The following DMD variants were observed in gnomAD, a reference collection of about 807,000 sequenced individuals.
The protein encoded by DMD is dystrophin.
A neutral mutation model predicts 330.1 loss-of-function variants in DMD; 63 were observed. The ratio of observed to expected loss-of-function variants is 0.19; its 90% CI spans 0.16 to 0.24. The LOEUF (loss-of-function observed/expected upper bound fraction) is 0.24. DMD is among the 10% of genes least tolerant of loss of function. DMD has a pLI of 1.00. For synonymous variants in DMD, 1,223 were observed against 959.8 expected (o/e 1.27, Z -5.07); for missense variants, 3,344 against 2,684.1 (o/e 1.25, Z -5.43).
intron 2 of DMD, among the ~76,000 whole-genome samples, chrX:32,900,269 G>T (rs945002851): frequency 9.0e-6 from 1 of 111,711 alleles, no homozygotes; most frequent in Non-Finnish European, 1.9e-5. Flanking sequence ...AATGAAAATT[G>T]GGAAGAGAGA....
At chrX:32,394,672 AAGTG>A (rs2098027537) in intron 30 of DMD, among the ~76,000 whole-genome samples, 1 of 110,643 alleles carries the variant, frequency 9.0e-6, no homozygotes. Context: ...ATTTAAATCA[AAGTG>A]ATAAAAGTTC....
intron 44 of DMD, among the ~76,000 whole-genome samples, chrX:32,158,304 G>A (rs1176768148): frequency 9.0e-6 from 1 of 111,395 alleles, no homozygotes; most frequent in Admixed American, 9.6e-5. Flanking sequence ...AGGCTGAGGT[G>A]GGAGGATCAT....
upstream of DMD, among the ~76,000 whole-genome samples, chrX:33,213,667 T>C (rs1254537531): frequency 8.9e-6 from 1 of 112,017 alleles, no homozygotes; most frequent in Non-Finnish European, 1.9e-5. Context: ...CAAATACTTA[T>C]AGATTCACAG....
chrX:32,495,596 C>A (rs969017211), intron 19 of DMD, among the ~76,000 whole-genome samples: 4 of 111,620 alleles, frequency 3.6e-5, no homozygotes, highest in African/African-American at 1.3e-4. Context: ...ATTAATTGAC[C>A]ATCTAAATGC....
At position 32,700,762 on chromosome X, in the gene DMD, G is replaced by A. The variant is rs1262514231; in HGVS notation, c.650-1469C>T. Among the ~76,000 whole-genome samples the A allele has an allele frequency of 2.7e-5, 3 of 111,230 alleles. No individual in the cohort carries two copies. In the Admixed American group the frequency reaches 2.9e-4, roughly 11 times the overall value. On this transcript the variant is annotated intron_variant, in intron 7 of 78. Coordinates refer to ENST00000357033, the MANE Select transcript of DMD (RefSeq NM_004006.3). ...CAGGAGGTCAAGGTAATGTGGCAAT[G>A]TATTTTCCTTGCCATACAATTTATC...
At position 32,881,788 on chromosome X, in the gene DMD, G is replaced by A. The variant is rs1160676672; in HGVS notation, c.94-31968C>T. Among the ~76,000 whole-genome samples the A allele has an allele frequency of 2.7e-5, 3 of 111,596 alleles. No homozygotes were observed. In the Admixed American group the frequency reaches 2.9e-4, roughly 11 times the overall value. On this transcript the variant is annotated intron_variant, in intron 2 of 78. Coordinates refer to ENST00000357033, the MANE Select transcript of DMD (RefSeq NM_004006.3). ...CTGGTTAGAGATTTTATCTTCCTCA[G>A]AGCCATACCAACACACCCTTCTAAA...
chrX:31,392,574 G>A (rs2060728841), intron 60 of DMD, among the ~76,000 whole-genome samples: 3 of 111,768 alleles, frequency 2.7e-5, no homozygotes, highest in Admixed American at 1.9e-4. Flanking sequence ...AAGCTTTGTG[G>A]CTTCCCATTT....
intron 52 of DMD, among the ~76,000 whole-genome samples, chrX:31,719,034 C>G (rs1336108101): frequency 8.1e-5 from 9 of 111,759 alleles, no homozygotes; most frequent in Non-Finnish European, 1.1e-4. Flanking sequence ...TACTATATTA[C>G]TAAAGAAATA....
intron 44 of DMD, among the ~76,000 whole-genome samples, chrX:32,026,955 C>A (rs1165707251): frequency 9.0e-6 from 1 of 110,730 alleles, no homozygotes; most frequent in African/African-American, 3.3e-5. Context: ...AACTCCCACT[C>A]ACATTCAATT....
intron 59 of DMD, among the ~76,000 whole-genome samples, chrX:31,462,047 C>T (rs781465445): frequency 4.5e-5 from 5 of 111,790 alleles, no homozygotes; most frequent in Non-Finnish European, 7.5e-5. Flanking sequence ...GGCATTATGT[C>T]GGTAGCTGGA....
intron 47 of DMD, among the ~76,000 whole-genome samples, chrX:31,905,897 G>A (rs1291281680): frequency 9.0e-6 from 1 of 111,647 alleles, no homozygotes; most frequent in African/African-American, 3.3e-5. Context: ...ATTATAAAGT[G>A]AATTTTTAAA....
chrX:33,155,678 G>C (rs1004080897), intron 1 of DMD, among the ~76,000 whole-genome samples: 2 of 110,649 alleles, frequency 1.8e-5, no homozygotes, highest in Admixed American at 1.9e-4. Flanking sequence ...CAGCCAGCTA[G>C]CCGGGCATGG....
At chrX:32,660,995 T>C (rs1193362420) in intron 9 of DMD, among the ~76,000 whole-genome samples, 3 of 111,330 alleles carry the variant, frequency 2.7e-5, no homozygotes, top group Non-Finnish European at 1.9e-5. Flanking sequence ...GAGAGAGGCC[T>C]GACATTATGC....
At chrX:31,308,712 A>G (rs919008186) in intron 62 of DMD, among the ~76,000 whole-genome samples, 6 of 110,243 alleles carry the variant, frequency 5.4e-5, no homozygotes, top group Middle Eastern at 4.6e-3. Context: ...GTGCCGTGCC[A>G]TCTATTTTTT....
At chrX:32,071,508 T>G (rs1481164773) in intron 44 of DMD, among the ~76,000 whole-genome samples, 2 of 29,850 alleles carry the variant, frequency 6.7e-5, no homozygotes, top group Non-Finnish European at 1.2e-4. Flanking sequence ...GGGCCTGTTG[T>G]GGGGTGGGGG....
intron 1 of DMD, among the ~76,000 whole-genome samples, chrX:33,129,936 T>G (rs779952213): frequency 8.9e-6 from 1 of 111,930 alleles, no homozygotes; most frequent in Non-Finnish European, 1.9e-5. Flanking sequence ...CCCTCTTAAA[T>G]GTGAAACAAT....
chrX:31,838,359 GTAACTGAATTTTCAACCTATACAT>G (rs761786529), intron 48 of DMD, among the ~76,000 whole-genome samples: 15 of 112,178 alleles, frequency 1.3e-4, no homozygotes, highest in African/African-American at 4.5e-4. Flanking sequence ...AGGAAAAAAA[GTAACTGAATTTTCAACCTATACAT>G]TTATCATTTA....
rs180942095 is a variant in DMD, at chrX:33,143,796, C to T, written c.31+67486G>A. Reference sequence around the variant, plus strand: ...TTTATATAGCGTTAACTCCTCCTAACTTTGTACACATTTCTCTGCATAATT... The same window carrying T: ...TTTATATAGCGTTAACTCCTCCTAATTTTGTACACATTTCTCTGCATAATT... On this transcript the variant is annotated intron_variant, in intron 1 of 78. Transcript: ENST00000357033. 2.9e-3 allele frequency among the ~76,000 whole-genome samples: 329 copies of T among 111,715 alleles called. 1 individual carries two copies. The highest frequency in any genetic ancestry group is 0.01 in the African/African-American group (319 of 30,774).
At chrX:32,671,695 T>C (rs746513334) in intron 9 of DMD, among the ~76,000 whole-genome samples, 1 of 112,209 alleles carries the variant, frequency 8.9e-6, no homozygotes, top group South Asian at 3.7e-4. Flanking sequence ...CAAAGTAATC[T>C]AACCAGATAA....
Sources: gnomAD v4.1 joint callset for allele counts (sites outside exome capture counted in the v4.1 genomes callset) on GRCh38, gnomAD v4.1.1 for gene constraint, MANE v1.5 for transcripts, NCBI Gene and HGNC (gene_info 2026-07-23, HGNC 2026-07-21) for gene names.